Variants in SGCD observed in about 807,000 individuals in gnomAD.
SGCD encodes sarcoglycan delta.
In SGCD, 18 loss-of-function variants were observed where a neutral mutation model predicts 36.6. The observed-to-expected ratio is 0.49, with a 90% CI of 0.34 to 0.73. The LOEUF (loss-of-function observed/expected upper bound fraction) is 0.73, where lower values mean the gene tolerates loss of function less well. SGCD is among the 30% of genes least tolerant of loss of function. SGCD has a pLI of 0.01. For missense variants in SGCD, 387 were observed against 346.7 expected, an observed-to-expected ratio of 1.12 and a Z score of -0.92; for synonymous variants, 133 against 130.6, an observed-to-expected ratio of 1.02 and a Z score of -0.12.
rs10529406 is a variant in SGCD, at chr5:156,406,018, T to TAAAAAAAAAAAAAAAA, written c.192+61342_192+61357dup. On this transcript the variant is annotated intron_variant, in intron 3 of 8. Coordinates refer to ENST00000337851, the MANE Select transcript of SGCD (RefSeq NM_000337.6). ...TGCTGTATTTGGCCCTATCTTTGCT[T>TAAAAAAAAAAAAAAAA]AAAAAAAAAAAAAAAAGGCCTCTGG... Among the ~76,000 whole-genome samples the TAAAAAAAAAAAAAAAA allele has an allele frequency of 1.4e-4, 15 of 103,968 alleles. 1 individual carries two copies. In the South Asian group the frequency reaches 3.7e-3, roughly 25 times the overall value. 68.2% of individuals were successfully genotyped at this position (103,968 alleles called of 152,430 possible).
At chr5:156,544,912 C>A (rs965124184) in intron 4 of SGCD, among the ~76,000 whole-genome samples, 6 of 152,204 alleles carry the variant, frequency 3.9e-5, no homozygotes, top group African/African-American at 1.2e-4. Context: ...AATTGACTTG[C>A]CTAAGGTTCC....
intron 4 of SGCD, among the ~76,000 whole-genome samples, chr5:156,558,783 C>G (rs1201358121): frequency 2.0e-5 from 3 of 152,052 alleles, no homozygotes; most frequent in East Asian, 1.9e-4. Context: ...AGACATCAGC[C>G]AAGGAGTGTT....
At chr5:156,197,738 C>G (rs1561561217) in intron 3 of SGCD, among the ~76,000 whole-genome samples, 1 of 151,922 alleles carries the variant, frequency 6.6e-6, no homozygotes, top group Admixed American at 6.6e-5. Context: ...TTTTATCTCT[C>G]CCAAATTCTT....
chr5:156,499,936 T>A (rs564416309), intron 3 of SGCD, among the ~76,000 whole-genome samples: 4 of 151,718 alleles, frequency 2.6e-5, no homozygotes, highest in Non-Finnish European at 4.4e-5. Context: ...TTCTCAACTT[T>A]AAAAAAAAAT....
intron 4 of SGCD, among the ~76,000 whole-genome samples, chr5:156,542,937 A>G (rs1022092971): frequency 2.0e-5 from 3 of 152,196 alleles, no homozygotes; most frequent in Non-Finnish European, 2.9e-5. Flanking sequence ...CCTGCAGACT[A>G]TGTAATCTAT....
intron 3 of SGCD, among the ~76,000 whole-genome samples, chr5:156,180,453 A>C (rs1456119763): frequency 6.6e-6 from 1 of 152,108 alleles, no homozygotes; most frequent in East Asian, 1.9e-4. Flanking sequence ...GTAGATAAAA[A>C]CATTTTAAAC....
intron 6 of SGCD, among the ~76,000 whole-genome samples, chr5:156,618,923 A>G (rs565132277): frequency 7.9e-5 from 12 of 151,964 alleles, no homozygotes; most frequent in Admixed American, 3.3e-4. Flanking sequence ...GTGCTCAGGG[A>G]GAGTGGGAAA....
At chr5:156,471,047 G>C (rs930678426) in intron 3 of SGCD, among the ~76,000 whole-genome samples, 5 of 152,242 alleles carry the variant, frequency 3.3e-5, no homozygotes, top group African/African-American at 1.2e-4. Context: ...GGCAGCATTA[G>C]CTGGGTGACT....
At chr5:156,183,877 A>G (rs1763667825) in intron 3 of SGCD, among the ~76,000 whole-genome samples, 1 of 152,232 alleles carries the variant, frequency 6.6e-6, no homozygotes, top group African/African-American at 2.4e-5. Flanking sequence ...ATAGCTAACT[A>G]TGAAAAATCA....
chr5:156,073,773 C>G (rs1267660205), intron 1 of SGCD, among the ~76,000 whole-genome samples: 2 of 152,134 alleles, frequency 1.3e-5, no homozygotes, highest in African/African-American at 4.8e-5. Context: ...CCAGGTAAAG[C>G]AGTCAATTTC....
the SGCD span, among the ~76,000 whole-genome samples, chr5:155,767,138 T>G: frequency 6.6e-6 from 1 of 152,230 alleles, no homozygotes; most frequent in East Asian, 1.9e-4. Context: ...CACATACATG[T>G]GTAACTTCGC....
At chr5:156,188,628 A>G (rs984146677) in intron 3 of SGCD, among the ~76,000 whole-genome samples, 1 of 151,648 alleles carries the variant, frequency 6.6e-6, no homozygotes, top group African/African-American at 2.4e-5. Context: ...GCACTTTGAC[A>G]TGCTGAAGAA....
intron 6 of SGCD, among the ~76,000 whole-genome samples, chr5:156,598,602 G>A (rs1314880935): frequency 2.0e-5 from 3 of 151,676 alleles, no homozygotes; most frequent in Non-Finnish European, 4.4e-5. Flanking sequence ...AAATGCCTAG[G>A]GGAAAAAGTG....
At chr5:156,256,513 G>GT (rs1193038108) in intron 3 of SGCD, among the ~76,000 whole-genome samples, 1 of 151,942 alleles carries the variant, frequency 6.6e-6, no homozygotes, top group Admixed American at 6.6e-5. Flanking sequence ...TTTTTTTATT[G>GT]TCTAGTATCA....
At chr5:155,872,592 A>G (rs947847782) in intron 1 of SGCD, among the ~76,000 whole-genome samples, 4 of 152,186 alleles carry the variant, frequency 2.6e-5, no homozygotes, top group African/African-American at 9.6e-5. Flanking sequence ...AGGAAATGGT[A>G]ATGTACACTG....
At chr5:156,514,957 G>A (rs1052971757) in intron 4 of SGCD, among the ~76,000 whole-genome samples, 32 of 152,164 alleles carry the variant, frequency 2.1e-4, no homozygotes, top group Admixed American at 1.8e-3. Context: ...TGACAATGAT[G>A]ATAATGATGA....
chr5:155,983,510 G>A (rs544675917), intron 1 of SGCD, among the ~76,000 whole-genome samples: 48 of 152,278 alleles, frequency 3.2e-4, no homozygotes, highest in Admixed American at 2.7e-3. Context: ...ATGTGGAGCA[G>A]GCTGCTCTCT....
intron 1 of SGCD, among the ~76,000 whole-genome samples, chr5:155,936,668 C>CG (rs1483310725): frequency 6.6e-6 from 1 of 152,232 alleles, no homozygotes; most frequent in East Asian, 1.9e-4. Context: ...CTCTGGTCCA[C>CG]GGAACTGGCA....
At position 156,125,839 on chromosome 5, in the gene SGCD, TTTATTATTATTATTATTA is replaced by T. The variant is rs144493356; in HGVS notation, c.-44+1856_-44+1873del. 1.1e-3 allele frequency among the ~76,000 whole-genome samples: 140 copies of T among 131,484 alleles called. 1 individual carries two copies. In the Middle Eastern group the frequency reaches 0.012, roughly 11 times the overall value. 86.3% of individuals were successfully genotyped at this position (131,484 alleles called of 152,430 possible). ...ACAGTTACTTCTTCCCACTCATTCT[TTTATTATTATTATTATTA>T]TTATTATTATTATTATTATTATTAT... On this transcript the variant is annotated intron_variant, in intron 3 of 9. Coordinates refer to the SGCD transcript ENST00000517913.
Sources: allele counts gnomAD v4.1 joint callset (sites outside exome capture counted in the v4.1 genomes callset), GRCh38; gene constraint gnomAD v4.1.1; transcripts MANE v1.5; gene names NCBI Gene and HGNC (gene_info 2026-07-23, HGNC 2026-07-21).